SEPTIN3: variants seen among roughly 807,000 people sequenced by gnomAD.
SEPTIN3 encodes septin 3.
A neutral mutation model predicts 45.1 loss-of-function variants in SEPTIN3; 15 were observed. The ratio of observed to expected loss-of-function variants is 0.33; its 90% CI spans 0.22 to 0.51. SEPTIN3 has a LOEUF of 0.51. SEPTIN3 is among the 20% of genes least tolerant of loss of function. SEPTIN3 has a pLI of 0.97. For missense variants in SEPTIN3, 289 were observed against 457.2 expected (o/e 0.63, Z 3.35); for synonymous variants, 148 against 164.8 (o/e 0.90, Z 0.78).
At chr22:41,982,825 A>T (rs893436298) in intron 3 of SEPTIN3, among the ~76,000 whole-genome samples, 1 of 151,334 alleles carries the variant, frequency 6.6e-6, no homozygotes, top group African/African-American at 2.4e-5. Flanking sequence ...TGGGAGGTGG[A>T]GGTTGCAGTG....
intron 11 of SEPTIN3, chr22:41,995,753 A>G: frequency 1.0e-6 from 1 of 981,226 alleles, no homozygotes; most frequent in Non-Finnish European, 1.2e-6. Context: ...GTAGTCAAGC[A>G]CCTGAACAGG....
chr22:41,993,988 G>C (rs1225473075), intron 9 of SEPTIN3, among the ~76,000 whole-genome samples: 1 of 152,172 alleles, frequency 6.6e-6, no homozygotes, highest in Non-Finnish European at 1.5e-5. Flanking sequence ...TTAGGCCTTG[G>C]CCAGTTTCTC....
At chr22:41,973,951 A>G (rs987795480) in intron 2 of SEPTIN3, among the ~76,000 whole-genome samples, 1 of 152,124 alleles carries the variant, frequency 6.6e-6, no homozygotes, top group African/African-American at 2.4e-5. Flanking sequence ...ACTGCACTCC[A>G]GCCTGGTGAC....
intron 11 of SEPTIN3, chr22:41,996,448 CTTT>C: frequency 1.0e-6 from 1 of 988,190 alleles, no homozygotes. Flanking sequence ...TAATCCCAGT[CTTT>C]TATCACTCAG....
intron 9 of SEPTIN3, among the ~76,000 whole-genome samples, chr22:41,992,977 CTT>C (rs1361739909): frequency 1.3e-5 from 2 of 152,158 alleles, no homozygotes; most frequent in African/African-American, 4.8e-5. Context: ...GTGGCACTGA[CTT>C]AGCGCATCAA....
In SEPTIN3 at chr22:41,971,921, AGGAG is replaced by A. The variant is rs2077964063; in HGVS notation, c.436_439del (p.Arg146CysfsTer9). 2.5e-6 allele frequency: 1 copy of A among 399,046 alleles called. No homozygotes were observed. The highest frequency in any genetic ancestry group is 4.4e-6 in the Non-Finnish European group (1 of 226,186). 24.7% of individuals were successfully genotyped at this position (399,046 alleles called of 1,614,324 possible). A position where few individuals can be genotyped will look rare whatever the true frequency, so the allele number is the denominator to read the frequency against. ...CAGGAAAGAAGGCTGCTCCCCATGA[AGGAG>A]GGAGGGTGTCCTCGCCAGGCTCGCC... On this transcript the variant is annotated frameshift_variant, in exon 2 of 12. Transcript: ENST00000644076. LOFTEE classifies it high-confidence loss of function.
chr22:41,974,987 T>C (rs5751191), intron 2 of SEPTIN3, among the ~76,000 whole-genome samples: 68,624 of 151,626 alleles, frequency 0.45, 16,790 homozygotes, highest in East Asian at 0.86. Flanking sequence ...GGATGTGAGA[T>C]AATGACCTCA....
intron 2 of SEPTIN3, among the ~76,000 whole-genome samples, chr22:41,978,902 A>AGGAGGAGGG (rs1396632817): frequency 6.8e-4 from 94 of 139,032 alleles, no homozygotes; most frequent in African/African-American, 2.4e-3. Flanking sequence ...CTGGAGGAGG[A>AGGAGGAGGG]GGAGGAGGAG....
At chr22:41,984,695 A>G (rs1485031824) in intron 3 of SEPTIN3, among the ~76,000 whole-genome samples, 4 of 151,162 alleles carry the variant, frequency 2.6e-5, no homozygotes, top group Admixed American at 2.0e-4. Flanking sequence ...TGCCCGGCTA[A>G]TTTTTGTATT....
In SEPTIN3 at chr22:41,981,840, C is replaced by A. The variant is rs140370259; in HGVS notation, c.1696+4C>A. The A allele has an allele frequency of 6.2e-7, 1 of 1,612,210 alleles. No homozygotes were observed. Among genetic ancestry groups the A allele is most frequent in the Middle Eastern group, 1.7e-4 (1 of 6,040 alleles). On this transcript the variant is annotated splice_donor_region_variant and intron_variant, in intron 3 of 11. Coordinates refer to ENST00000644076, the MANE Select transcript of SEPTIN3 (RefSeq NM_001363845.2). ...GACTTCAACATCATGGTCGTTGGTA[C>A]GGAAGGCTGTGGGGCTGCTGCAGGC... is the stretch of plus-strand genomic sequence containing the variant.
chr22:41,994,695 A>G lies in SEPTIN3; in HGVS notation c.2486A>G (p.Asp829Gly). ...YETYRAKRLN[D>G]NGGLPPGEGL... ...ACTTACAGGGCCAAGCGGCTCAATGACAATGGAGGCCTCCCTCCGGTGAGC... is the reference window on the plus strand; with the variant it reads ...ACTTACAGGGCCAAGCGGCTCAATGGCAATGGAGGCCTCCCTCCGGTGAGC... The change falls in exon 11 of 12, where the codon GAC becomes GGC. Residue 829 changes from aspartate to glycine, a missense_variant. Coordinates refer to ENST00000644076, the MANE Select transcript of SEPTIN3 (RefSeq NM_001363845.2). The surrounding 1 kb of genome is among the most constrained non-coding windows in gnomAD (Gnocchi z 4.2). The G allele has an allele frequency of 1.2e-6, 2 of 1,614,154 alleles. No homozygotes were observed. Among genetic ancestry groups the G allele is most frequent in the Non-Finnish European group, 1.7e-6 (2 of 1,180,030 alleles).
chr22:41,988,328 TG>T (rs1168746421), intron 6 of SEPTIN3, among the ~76,000 whole-genome samples: 1 of 152,052 alleles, frequency 6.6e-6, no homozygotes, highest in Non-Finnish European at 1.5e-5. Flanking sequence ...GAACTCTGAT[TG>T]TGAGTGACAG....
chr22:41,992,002 T>G (rs1419469718), intron 8 of SEPTIN3, among the ~76,000 whole-genome samples: 1 of 152,128 alleles, frequency 6.6e-6, no homozygotes, highest in African/African-American at 2.4e-5. Context: ...TATGCTGTGG[T>G]CAGACCCTGC....
chr22:41,980,743 C>G (rs2078108131), intron 2 of SEPTIN3, among the ~76,000 whole-genome samples: 1 of 152,192 alleles, frequency 6.6e-6, no homozygotes, highest in African/African-American at 2.4e-5. Flanking sequence ...GACGTTTGCC[C>G]TTCCTCACTA....
At chr22:41,974,939 T>C (rs570882186) in intron 2 of SEPTIN3, among the ~76,000 whole-genome samples, 1 of 151,092 alleles carries the variant, frequency 6.6e-6, no homozygotes, top group African/African-American at 2.4e-5. Flanking sequence ...TTTAGGAAGT[T>C]GTGATTTGTC....
At chr22:41,988,427 AG>A (rs67132243) in intron 6 of SEPTIN3, among the ~76,000 whole-genome samples, 407 of 151,988 alleles carry the variant, frequency 2.7e-3, no homozygotes, top group African/African-American at 9.1e-3. Context: ...AGACCGGGGG[AG>A]GGGGGTCCCA....
At chr22:41,992,070 C>T (rs1051481040) in intron 8 of SEPTIN3, among the ~76,000 whole-genome samples, 2 of 151,998 alleles carry the variant, frequency 1.3e-5, no homozygotes, top group African/African-American at 4.8e-5. Flanking sequence ...AGGCTTCCCC[C>T]GCTAGAATAA....
At chr22:41,990,028 T>A (rs1704874196) in intron 7 of SEPTIN3, among the ~76,000 whole-genome samples, 1 of 151,262 alleles carries the variant, frequency 6.6e-6, no homozygotes, top group Non-Finnish European at 1.5e-5. Context: ...AACTGGCCAC[T>A]AGTCCTCACT....
At chr22:41,995,133 G>T in intron 11 of SEPTIN3, 1 of 1,077,408 alleles carries the variant, frequency 9.3e-7, no homozygotes, top group Non-Finnish European at 1.1e-6. Context: ...TGAGCCACAG[G>T]CAACTCTTCT....
Sources: gnomAD v4.1 joint callset for allele counts (sites outside exome capture counted in the v4.1 genomes callset) on GRCh38, gnomAD v4.1.1 for gene constraint, Gnocchi (gnomAD v3.1) non-coding constraint, MANE v1.5 for transcripts, NCBI Gene and HGNC (gene_info 2026-07-23, HGNC 2026-07-21) for gene names.